Variants in PRKN observed in about 807,000 individuals in gnomAD.
PRKN encodes the protein parkin RBR E3 ubiquitin protein ligase, also known as E3 ubiquitin-protein ligase parkin.
In PRKN, 56 loss-of-function variants were observed where a neutral mutation model predicts 59.5. The observed-to-expected ratio is 0.94, with a 90% CI of 0.76 to 1.18. PRKN has a LOEUF of 1.18. Among genes scored for constraint, PRKN ranks in the 50% most tolerant of loss-of-function variants. PRKN has a pLI of 0.00. For missense variants in PRKN, 657 were observed against 596.4 expected, an observed-to-expected ratio of 1.10 and a Z score of -1.06; for synonymous variants, 250 against 222.1, an observed-to-expected ratio of 1.13 and a Z score of -1.12.
chr6:161,629,703 G>A (rs80035959), intron 7 of PRKN, among the ~76,000 whole-genome samples: 1 of 152,002 alleles, frequency 6.6e-6, no homozygotes, highest in Non-Finnish European at 1.5e-5. Flanking sequence ...CGCTCTGCCT[G>A]CCTCCTTCCC....
chr6:162,095,108 T>C (rs1268883772), intron 4 of PRKN, among the ~76,000 whole-genome samples: 1 of 152,150 alleles, frequency 6.6e-6, no homozygotes, highest in African/African-American at 2.4e-5. Flanking sequence ...TACTGGGTCT[T>C]CAGGGGAAGG....
chr6:162,355,388 A>AACCT (rs1784808872), intron 2 of PRKN, among the ~76,000 whole-genome samples: 1 of 151,360 alleles, frequency 6.6e-6, no homozygotes, highest in East Asian at 1.9e-4. Flanking sequence ...CACCATCTGT[A>AACCT]ATCTATCTAT....
rs1330531717 is a variant in PRKN, at chr6:161,461,044, A to G, written c.1084-74167T>C. Among the ~76,000 whole-genome samples the G allele has an allele frequency of 3.9e-5, 6 of 152,016 alleles. No individual in the cohort carries two copies. Among genetic ancestry groups the G allele is most frequent in the Admixed American group, 3.9e-4 (6 of 15,254 alleles). On this transcript the variant is annotated intron_variant, in intron 9 of 11. Transcript: ENST00000366898. The surrounding 1 kb of genome is among the most constrained non-coding windows in gnomAD (Gnocchi z 5.1). ...AGTACTGGGACTACAGGTGTGAGCC[A>G]CCATGCCCGGTCCAAGAGTCATCTT...
At chr6:162,578,121 T>A (rs190479730) in intron 1 of PRKN, among the ~76,000 whole-genome samples, 4 of 152,162 alleles carry the variant, frequency 2.6e-5, no homozygotes, top group Non-Finnish European at 2.9e-5. Context: ...ATTCAACTCA[T>A]AGGGGTTTAT....
At chr6:162,270,575 C>A (rs1015501905) in intron 2 of PRKN, 3 of 152,238 alleles carry the variant, frequency 2.0e-5, no homozygotes, top group Admixed American at 6.5e-5. Context: ...ATTTTAAAGA[C>A]TGAACATTTC....
At chr6:161,911,246 G>A (rs1778349819) in intron 6 of PRKN, among the ~76,000 whole-genome samples, 1 of 152,116 alleles carries the variant, frequency 6.6e-6, no homozygotes, top group South Asian at 2.1e-4. Context: ...GGTCACTCTG[G>A]TCACTCATAT....
In PRKN at chr6:161,497,366, C is replaced by T. The variant is rs893004955; in HGVS notation, c.1083+51488G>A. 5.3e-5 allele frequency among the ~76,000 whole-genome samples: 8 copies of T among 152,182 alleles called. No homozygotes were observed. Among genetic ancestry groups the T allele is most frequent in the African/African-American group, 1.9e-4 (8 of 41,452 alleles). On this transcript the variant is annotated intron_variant, in intron 9 of 11. Coordinates refer to ENST00000366898, the MANE Select transcript of PRKN (RefSeq NM_004562.3). This position sits in a 1 kb window ranked among gnomAD's most constrained non-coding sequence, Gnocchi z 4.6. ...CATTCAGCTCTCACAGACATTCCTCCTTCAAAACAGACCCTCTGGCAAAGG... is the reference window on the plus strand; with the variant it reads ...CATTCAGCTCTCACAGACATTCCTCTTTCAAAACAGACCCTCTGGCAAAGG...
chr6:162,640,865 T>C (rs907204570), intron 1 of PRKN, among the ~76,000 whole-genome samples: 1 of 152,184 alleles, frequency 6.6e-6, no homozygotes, highest in Non-Finnish European at 1.5e-5. Context: ...CTGAAGCTTA[T>C]AGCAAAGTCA....
At chr6:162,045,100 T>C (rs999229251) in intron 5 of PRKN, among the ~76,000 whole-genome samples, 5 of 152,212 alleles carry the variant, frequency 3.3e-5, no homozygotes, top group Non-Finnish European at 5.9e-5. Flanking sequence ...GTAAGCTTTT[T>C]ACTTGCTCTG....
chr6:162,231,481 G>A (rs981896425), intron 3 of PRKN, among the ~76,000 whole-genome samples: 10 of 152,274 alleles, frequency 6.6e-5, no homozygotes, highest in African/African-American at 2.4e-4. Context: ...CTTCAGATGA[G>A]GAACTGCATT....
rs1781332168 is a variant in PRKN, at chr6:161,581,352, G to T, written c.872-11936C>A. On this transcript the variant is annotated intron_variant, in intron 7 of 11. Transcript: ENST00000366898. The surrounding 1 kb of genome is among the most constrained non-coding windows in gnomAD (Gnocchi z 4.5). ...TCCTTTTGGTCTAAGTTCACAAAGT[G>T]TTTGTCTCCATTGTATTTGCTGTTT... Among the ~76,000 whole-genome samples the T allele has an allele frequency of 6.6e-6, 1 of 152,188 alleles. No individual in the cohort carries two copies. The highest frequency in any genetic ancestry group is 2.1e-4 in the South Asian group (1 of 4,834).
chr6:161,974,124 G>A (rs150157577), intron 5 of PRKN, among the ~76,000 whole-genome samples: 187 of 152,204 alleles, frequency 1.2e-3, no homozygotes, highest in Non-Finnish European at 1.9e-3. Context: ...AAAATTAGCC[G>A]GGCATGACGG....
intron 1 of PRKN, among the ~76,000 whole-genome samples, chr6:162,558,201 T>C (rs1016448257): frequency 1.3e-5 from 2 of 152,226 alleles, no homozygotes; most frequent in South Asian, 4.1e-4. Flanking sequence ...TACTAACAAG[T>C]ATATTATCAG....
intron 1 of PRKN, among the ~76,000 whole-genome samples, chr6:162,602,680 A>G (rs1338753519): frequency 1.3e-5 from 2 of 152,164 alleles, no homozygotes; most frequent in African/African-American, 4.8e-5. Flanking sequence ...AGAAAGTGAA[A>G]ACCCATGTCT....
chr6:161,637,687 A>G (rs938456890), intron 7 of PRKN, among the ~76,000 whole-genome samples: 1 of 147,356 alleles, frequency 6.8e-6, no homozygotes, highest in Non-Finnish European at 1.5e-5. Context: ...GAAACTAAAA[A>G]ATAGACTCAT....
chr6:161,426,472 C>G (rs1430537358), intron 9 of PRKN, among the ~76,000 whole-genome samples: 1 of 152,026 alleles, frequency 6.6e-6, no homozygotes, highest in African/African-American at 2.4e-5. Context: ...ACTGGCCTAG[C>G]CTCCCAGCCT....
At chr6:162,616,138 G>C (rs1336475858) in intron 1 of PRKN, among the ~76,000 whole-genome samples, 4 of 152,076 alleles carry the variant, frequency 2.6e-5, no homozygotes, top group African/African-American at 7.2e-5. Flanking sequence ...AGACAGAATA[G>C]GGTTTCCCTC....
rs919701231 is a variant in PRKN, at chr6:161,525,532, T to C, written c.1083+23322A>G. 6.6e-6 allele frequency among the ~76,000 whole-genome samples: 1 copy of C among 152,138 alleles called. No individual in the cohort carries two copies. The highest frequency in any genetic ancestry group is 1.5e-5 in the Non-Finnish European group (1 of 68,026). On this transcript the variant is annotated intron_variant, in intron 9 of 11. Transcript: ENST00000366898. This position sits in a 1 kb window ranked among gnomAD's most constrained non-coding sequence, Gnocchi z 4.7. ...GCTGCATGAATTTAAGGGATGTTTT[T>C]ATTATAAGATCAGAGAAGGAAAAAT...
At chr6:161,714,615 G>C (rs1329631411) in intron 7 of PRKN, among the ~76,000 whole-genome samples, 6 of 152,186 alleles carry the variant, frequency 3.9e-5, no homozygotes, top group Non-Finnish European at 5.9e-5. Flanking sequence ...GACAGGGAGT[G>C]TCCATGTACT....
Sources: allele counts gnomAD v4.1 joint callset (sites outside exome capture counted in the v4.1 genomes callset), GRCh38; gene constraint gnomAD v4.1.1; non-coding constraint Gnocchi (gnomAD v3.1); transcripts MANE v1.5; gene names NCBI Gene and HGNC (gene_info 2026-07-23, HGNC 2026-07-21).